The following NKAIN2 variants were observed in gnomAD, a reference collection of about 807,000 sequenced individuals.
NKAIN2 encodes the protein sodium/potassium transporting ATPase interacting 2, also known as sodium/potassium-transporting ATPase subunit beta-1-interacting protein 2.
NKAIN2 carries 14 observed loss-of-function variants against 32.6 expected under a neutral mutation model. That is an observed-to-expected ratio of 0.43 (90% CI 0.28 to 0.67). The LOEUF is 0.67. Ranked by LOEUF, NKAIN2 falls within the 30% of genes least tolerant of loss-of-function variation. The probability of loss-of-function intolerance (pLI) is 0.17; values close to 1 mark genes in which losing one functional copy is unlikely to be tolerated. For synonymous variants in NKAIN2, 80 were observed against 87.2 expected, an observed-to-expected ratio of 0.92 and a Z score of 0.46; for missense variants, 198 against 258.3, an observed-to-expected ratio of 0.77 and a Z score of 1.60.
chr6:124,710,879 T>G (rs1419725797), intron 4 of NKAIN2, among the ~76,000 whole-genome samples: 1 of 151,552 alleles, frequency 6.6e-6, no homozygotes, highest in African/African-American at 2.4e-5. Context: ...CATTATGATG[T>G]TAGCTGCTTA....
At chr6:124,624,853 A>C (rs1048410629) in intron 3 of NKAIN2, among the ~76,000 whole-genome samples, 1 of 151,110 alleles carries the variant, frequency 6.6e-6, no homozygotes, top group Admixed American at 6.6e-5. Flanking sequence ...AAATGGTTAT[A>C]AGTTATTTAA....
intron 3 of NKAIN2, among the ~76,000 whole-genome samples, chr6:124,371,708 A>AAG (rs1799770365): frequency 6.6e-6 from 1 of 151,492 alleles, no homozygotes; most frequent in Non-Finnish European, 1.5e-5. Context: ...AAAAAAAAAA[A>AAG]AAAAGAAAGA....
chr6:123,883,703 CA>C (rs1773573001), intron 1 of NKAIN2, among the ~76,000 whole-genome samples: 1 of 147,796 alleles, frequency 6.8e-6, no homozygotes, highest in Admixed American at 6.7e-5. Context: ...ACCGGCCAGG[CA>C]ATTTAAAAAA....
chr6:124,812,023 A>T lies in NKAIN2; in HGVS notation c.536-6364A>T, dbSNP rs143324990. On this transcript the variant is annotated intron_variant, in intron 5 of 6. Coordinates refer to ENST00000368417, the MANE Select transcript of NKAIN2 (RefSeq NM_001040214.3). ...TATAAACTGGCCAGAAGGAAAACAAAGTTATTCCTACAATTATCAAGATTG... is the reference window on the plus strand; with the variant it reads ...TATAAACTGGCCAGAAGGAAAACAATGTTATTCCTACAATTATCAAGATTG... Among the ~76,000 whole-genome samples the T allele has an allele frequency of 4.6e-3, 699 of 152,258 alleles. 5 individuals are homozygous for T. Among genetic ancestry groups the T allele is most frequent in the African/African-American group, 0.016 (666 of 41,560 alleles).
At chr6:124,674,786 A>G (rs929199204) in intron 4 of NKAIN2, among the ~76,000 whole-genome samples, 4 of 151,962 alleles carry the variant, frequency 2.6e-5, no homozygotes, top group Non-Finnish European at 4.4e-5. Flanking sequence ...TTTACAGATT[A>G]TGTCATCTGA....
intron 1 of NKAIN2, among the ~76,000 whole-genome samples, chr6:124,179,526 A>T (rs1789331140): frequency 2.0e-5 from 3 of 152,218 alleles, no homozygotes; most frequent in Non-Finnish European, 2.9e-5. Flanking sequence ...TAAAGTTTAA[A>T]TCAAGAACCA....
intron 1 of NKAIN2, among the ~76,000 whole-genome samples, chr6:124,266,986 G>A (rs958812077): frequency 6.6e-6 from 1 of 151,606 alleles, no homozygotes; most frequent in Non-Finnish European, 1.5e-5. Context: ...CCAATCTAGT[G>A]ATAAAGAGAT....
chr6:124,040,264 T>G (rs1017600043), intron 1 of NKAIN2, among the ~76,000 whole-genome samples: 2 of 151,944 alleles, frequency 1.3e-5, no homozygotes, highest in African/African-American at 4.8e-5. Context: ...AAGATTTTGT[T>G]ATAGTTTTCT....
intron 1 of NKAIN2, among the ~76,000 whole-genome samples, chr6:124,057,902 C>A (rs1253362940): frequency 6.6e-6 from 1 of 151,876 alleles, no homozygotes; most frequent in Non-Finnish European, 1.5e-5. Context: ...GAGTGACTTA[C>A]CCAGTTCTTG....
At chr6:124,556,832 A>C (rs1780493763) in intron 3 of NKAIN2, among the ~76,000 whole-genome samples, 1 of 152,216 alleles carries the variant, frequency 6.6e-6, no homozygotes, top group African/African-American at 2.4e-5. Context: ...CCAGGGTAAG[A>C]ATCCAACTTT....
intron 3 of NKAIN2, among the ~76,000 whole-genome samples, chr6:124,480,604 T>C (rs1193951682): frequency 6.6e-6 from 1 of 151,612 alleles, no homozygotes; most frequent in African/African-American, 2.4e-5. Context: ...ATTATTATTA[T>C]TATTATTATT....
At chr6:124,756,504 T>G (rs997822863) in intron 4 of NKAIN2, among the ~76,000 whole-genome samples, 1 of 152,058 alleles carries the variant, frequency 6.6e-6, no homozygotes, top group Non-Finnish European at 1.5e-5. Flanking sequence ...AAAGAATATT[T>G]AAATAGGCAA....
intron 3 of NKAIN2, among the ~76,000 whole-genome samples, chr6:124,581,464 A>AG (rs1171676304): frequency 1.9e-3 from 287 of 147,912 alleles, no homozygotes; most frequent in Non-Finnish European, 3.1e-3. Flanking sequence ...AAAAAAAAAA[A>AG]AAAAAAGAAA....
At chr6:124,344,147 T>A (rs1423575930) in intron 2 of NKAIN2, among the ~76,000 whole-genome samples, 1 of 152,254 alleles carries the variant, frequency 6.6e-6, no homozygotes, top group Non-Finnish European at 1.5e-5. Flanking sequence ...GTTGTAGATA[T>A]GCAGCATTAT....
intron 1 of NKAIN2, among the ~76,000 whole-genome samples, chr6:124,118,765 T>C (rs2114984707): frequency 6.6e-6 from 1 of 152,218 alleles, no homozygotes; most frequent in South Asian, 2.1e-4. Context: ...TTAGAATATA[T>C]AGAGGAGTAA....
At position 124,229,029 on chromosome 6, in the gene NKAIN2, T is replaced by C. The variant is rs78389281; in HGVS notation, c.55-53976T>C. On this transcript the variant is annotated intron_variant, in intron 1 of 6. Coordinates refer to ENST00000368417, the MANE Select transcript of NKAIN2 (RefSeq NM_001040214.3). Reference sequence around the variant, plus strand: ...TAGTCAACTAATAAATATGGCACAATTGAAGGTGTGTTTCTAAGTCAAGAT... The same window carrying C: ...TAGTCAACTAATAAATATGGCACAACTGAAGGTGTGTTTCTAAGTCAAGAT... 2.4e-3 allele frequency among the ~76,000 whole-genome samples: 368 copies of C among 152,238 alleles called. 4 individuals carry two copies. Among genetic ancestry groups the C allele is most frequent in the African/African-American group, 8.4e-3 (348 of 41,552 alleles).
intron 1 of NKAIN2, among the ~76,000 whole-genome samples, chr6:124,016,871 G>GGTCT (rs1187289561): frequency 5.3e-4 from 80 of 152,172 alleles, no homozygotes; most frequent in African/African-American, 1.8e-3. Flanking sequence ...TTTGAATCCA[G>GGTCT]GTCTGCATTG....
chr6:124,463,923 G>A (rs1166565186), intron 3 of NKAIN2, among the ~76,000 whole-genome samples: 1 of 152,004 alleles, frequency 6.6e-6, no homozygotes, highest in East Asian at 1.9e-4. Flanking sequence ...TTAGCTATTT[G>A]TAACCTCTAA....
At chr6:123,916,864 TCTACCTACCTAC>T (rs536387906) in intron 1 of NKAIN2, among the ~76,000 whole-genome samples, 1 of 151,754 alleles carries the variant, frequency 6.6e-6, no homozygotes, top group Admixed American at 6.6e-5. Context: ...CTATCTGTCA[TCTACCTACCTAC>T]CTACCTACCT....
Sources: gnomAD v4.1 joint callset for allele counts (sites outside exome capture counted in the v4.1 genomes callset) on GRCh38, gnomAD v4.1.1 for gene constraint, MANE v1.5 for transcripts, NCBI Gene and HGNC (gene_info 2026-07-23, HGNC 2026-07-21) for gene names.